The following C10orf67 variants were observed in gnomAD, a reference collection of about 807,000 sequenced individuals.
C10orf67 encodes the protein chromosome 10 open reading frame 67, also known as uncharacterized protein C10orf67, mitochondrial.
C10orf67 carries 60 observed loss-of-function variants against 35.6 expected under a neutral mutation model. That is an observed-to-expected ratio of 1.68 (90% confidence interval 1.37 to 2.09). The LOEUF is 2.09. Ranked by LOEUF, C10orf67 falls within the 30% of genes most tolerant of loss-of-function variation. C10orf67 has a pLI of 0.00. For missense variants in C10orf67, 474 were observed against 330.2 expected (o/e 1.44, Z -3.38); for synonymous variants, 167 against 115.8 (o/e 1.44, Z -2.84).
chr10:23,343,374 G>C (rs1328921550), intron 1 of C10orf67, among the ~76,000 whole-genome samples: 1 of 152,144 alleles, frequency 6.6e-6, no homozygotes, highest in Non-Finnish European at 1.5e-5. Context: ...ACAGCCAGGA[G>C]GTACTGTCTG....
At chr10:23,234,838 C>G (rs1392107675) in intron 13 of C10orf67, among the ~76,000 whole-genome samples, 1 of 151,602 alleles carries the variant, frequency 6.6e-6, no homozygotes, top group East Asian at 1.9e-4. Flanking sequence ...CATGGTGAAA[C>G]CCTGTCTCTA....
At chr10:23,234,091 C>T (rs1321850138) in intron 13 of C10orf67, among the ~76,000 whole-genome samples, 1 of 152,066 alleles carries the variant, frequency 6.6e-6, no homozygotes, top group East Asian at 1.9e-4. Flanking sequence ...TAAATTAGTT[C>T]CACCACAGTG....
chr10:23,304,778 T>C (rs1844212325), intron 4 of C10orf67, among the ~76,000 whole-genome samples: 1 of 152,106 alleles, frequency 6.6e-6, no homozygotes, highest in African/African-American at 2.4e-5. Context: ...CACTCATCTG[T>C]GTGTCTGGTA....
Position 23,259,285 on chromosome 10 carries a change from C to T in C10orf67, c.1200+6977G>A, listed in dbSNP as rs377635254. ...GTATATCATGCCTTTAAGGATCAGACTTTTGGCTGTTTCCTAATGAAAAAT... is the reference window on the plus strand; with the variant it reads ...GTATATCATGCCTTTAAGGATCAGATTTTTGGCTGTTTCCTAATGAAAAAT... On this transcript the variant is annotated intron_variant, in intron 10 of 15. Coordinates refer to ENST00000636213, the MANE Select transcript of C10orf67 (RefSeq NM_001371909.1). 2.0e-4 allele frequency among the ~76,000 whole-genome samples: 30 copies of T among 152,286 alleles called. No homozygotes were observed. In the South Asian group the frequency reaches 4.8e-3, roughly 24 times the overall value.
intron 13 of C10orf67, among the ~76,000 whole-genome samples, chr10:23,225,615 C>T (rs910361837): frequency 2.0e-5 from 3 of 152,176 alleles, no homozygotes; most frequent in African/African-American, 7.2e-5. Context: ...GTGCTGCATT[C>T]AGGAGACCTA....
chr10:23,335,244 G>A (rs1208796902), intron 1 of C10orf67, among the ~76,000 whole-genome samples: 3 of 151,292 alleles, frequency 2.0e-5, no homozygotes, highest in Non-Finnish European at 4.4e-5. Flanking sequence ...CTCAGCCATT[G>A]ACTCAATTAG....
At chr10:23,249,090 A>T (rs1436858365) in intron 12 of C10orf67, among the ~76,000 whole-genome samples, 2 of 134,068 alleles carry the variant, frequency 1.5e-5, no homozygotes, top group African/African-American at 2.9e-5. Flanking sequence ...AGATTGCACC[A>T]CTGCACTCCA....
intron 3 of C10orf67, among the ~76,000 whole-genome samples, chr10:23,321,371 A>T (rs1844949244): frequency 6.6e-6 from 1 of 152,180 alleles, no homozygotes; most frequent in Non-Finnish European, 1.5e-5. Context: ...TTCTAAAAAA[A>T]ATTTGTTTTT....
intron 13 of C10orf67, among the ~76,000 whole-genome samples, chr10:23,224,326 T>C (rs553413931): frequency 5.3e-5 from 8 of 152,236 alleles, no homozygotes; most frequent in Admixed American, 1.3e-4. Context: ...TCCTGAGTGT[T>C]AGAAGGAAAA....
rs988336747 is a variant in C10orf67 at position 23,344,505 on chromosome 10, C to T, written c.206+64G>A. The T allele has an allele frequency of 1.4e-5, 21 of 1,456,322 alleles. No homozygotes were observed. The African/African-American group carries it at 2.5e-4, about 18-fold the overall frequency. 90.2% of individuals were successfully genotyped at this position (1,456,322 alleles called of 1,614,324 possible). The stretch of plus-strand genomic sequence containing the variant: ...TGCACCCCCGTAAATAACCCTTCAG[C>T]CTCCCGCCGTGCCCCTGGACCCTGC... On this transcript the variant is annotated intron_variant, in intron 1 of 15. Coordinates refer to ENST00000636213, the MANE Select transcript of C10orf67 (RefSeq NM_001371909.1).
chr10:23,251,832 A>C (rs1418716767), intron 10 of C10orf67, among the ~76,000 whole-genome samples: 1 of 152,224 alleles, frequency 6.6e-6, no homozygotes, highest in Non-Finnish European at 1.5e-5. Flanking sequence ...GGTAAATACA[A>C]ATTTTCAAAT....
intron 3 of C10orf67, among the ~76,000 whole-genome samples, chr10:23,322,154 AAG>A (rs1844980152): frequency 6.6e-6 from 1 of 152,172 alleles, no homozygotes; most frequent in Non-Finnish European, 1.5e-5. Flanking sequence ...TCATCTGTAA[AAG>A]AGGGAAAATA....
intron 10 of C10orf67, among the ~76,000 whole-genome samples, chr10:23,260,120 AAG>A (rs983561463): frequency 6.6e-6 from 1 of 152,132 alleles, no homozygotes; most frequent in African/African-American, 2.4e-5. Flanking sequence ...AGCAAAGAGA[AAG>A]AGAAACTCTT....
chr10:23,204,344 G>A, intron 15 of C10orf67, 89 bp from the exon 16 acceptor site: 1 of 434,346 alleles, frequency 2.3e-6, no homozygotes, highest in Non-Finnish European at 4.2e-6. Flanking sequence ...AGCATTTTGC[G>A]TCATTTTTTT....
chr10:23,298,241 T>C (rs1399140805), intron 5 of C10orf67, among the ~76,000 whole-genome samples: 1 of 151,766 alleles, frequency 6.6e-6, no homozygotes, highest in Non-Finnish European at 1.5e-5. Context: ...GGCGACAGAG[T>C]GAGACTCTGT....
At chr10:23,205,728 A>G (rs772901346) in intron 15 of C10orf67, among the ~76,000 whole-genome samples, 43 of 152,250 alleles carry the variant, frequency 2.8e-4, no homozygotes, top group Non-Finnish European at 5.3e-4. Flanking sequence ...TAGAAAATCA[A>G]TAAATGGACA....
intron 13 of C10orf67, among the ~76,000 whole-genome samples, chr10:23,230,478 AG>A (rs1841878430): frequency 6.6e-6 from 1 of 152,172 alleles, no homozygotes; most frequent in Admixed American, 6.5e-5. Flanking sequence ...ATTAATATTG[AG>A]AACATTTATT....
At chr10:23,268,326 T>C (rs1842935755) in intron 8 of C10orf67, among the ~76,000 whole-genome samples, 2 of 152,192 alleles carry the variant, frequency 1.3e-5, no homozygotes, top group Admixed American at 6.5e-5. Context: ...TTTCTAGGTA[T>C]AAAAGGTACT....
At chr10:23,290,317 A>G (rs1467496035) in intron 6 of C10orf67, among the ~76,000 whole-genome samples, 1 of 152,260 alleles carries the variant, frequency 6.6e-6, no homozygotes, top group Admixed American at 6.5e-5. Context: ...AAGCCTTGCT[A>G]TGCCACAGCA....
Sources: allele counts gnomAD v4.1 joint callset (sites outside exome capture counted in the v4.1 genomes callset), GRCh38; gene constraint gnomAD v4.1.1; transcripts MANE v1.5; gene names NCBI Gene and HGNC (gene_info 2026-07-23, HGNC 2026-07-21).